The following CD96 variants were observed in gnomAD, a reference collection of about 807,000 sequenced individuals.
CD96 encodes the protein T-cell surface protein tactile.
CD96 carries 70 observed loss-of-function variants against 71.3 expected under a neutral mutation model. The ratio of observed to expected loss-of-function variants is 0.98; its 90% CI spans 0.81 to 1.20. The LOEUF is 1.20. Among genes scored for constraint, CD96 ranks in the 50% most tolerant of loss-of-function variants. The probability of loss-of-function intolerance (pLI) is 0.00; values close to 1 mark genes in which losing one functional copy is unlikely to be tolerated. For missense variants in CD96, 742 were observed against 677.5 expected, an observed-to-expected ratio of 1.10 and a Z score of -1.06; for synonymous variants, 248 against 233.0, an observed-to-expected ratio of 1.06 and a Z score of -0.59.
intron 5 of CD96, among the ~76,000 whole-genome samples, chr3:111,588,759 T>C (rs1936832580): frequency 6.6e-6 from 1 of 152,130 alleles, no homozygotes; most frequent in East Asian, 1.9e-4. Flanking sequence ...GAGTTCAAGA[T>C]GAGATTTGGA....
At chr3:111,598,966 T>C (rs1031736435) in intron 6 of CD96, among the ~76,000 whole-genome samples, 1 of 152,036 alleles carries the variant, frequency 6.6e-6, no homozygotes, top group Non-Finnish European at 1.5e-5. Flanking sequence ...ATTTTTATTT[T>C]ATTTTATTTT....
In CD96 at chr3:111,594,161, A is replaced by T. The variant is rs534684576; in HGVS notation, c.808-3959A>T. The T allele has an allele frequency of 2.5e-6, 4 of 1,610,528 alleles. No individual in the cohort carries two copies. The highest frequency in any genetic ancestry group is 3.4e-6 in the Non-Finnish European group (4 of 1,178,176). On this transcript the variant is annotated intron_variant, in intron 5 of 13. Coordinates refer to ENST00000352690, the MANE Select transcript of CD96 (RefSeq NM_005816.5). The stretch of plus-strand genomic sequence containing the variant: ...CATCTCTAAGTCCCCTTTTGCCTTC[A>T]TCATTGTTCCCTCCTCTTCCTCGTC...
At chr3:111,643,901 A>G (rs1397749693) in intron 12 of CD96, among the ~76,000 whole-genome samples, 1 of 152,144 alleles carries the variant, frequency 6.6e-6, no homozygotes, top group Admixed American at 6.5e-5. Flanking sequence ...TGTGAAAATT[A>G]CCATACTGCC....
intron 12 of CD96, among the ~76,000 whole-genome samples, chr3:111,644,135 G>T (rs986581923): frequency 6.6e-6 from 1 of 152,032 alleles, no homozygotes. Flanking sequence ...TATAAAATAC[G>T]CACATAGACC....
chr3:111,613,041 A>G (rs2107681755), intron 8 of CD96, among the ~76,000 whole-genome samples: 1 of 152,122 alleles, frequency 6.6e-6, no homozygotes, highest in South Asian at 2.1e-4. Context: ...TATCTTTTTC[A>G]TCACCTTCCA....
chr3:111,626,544 T>C (rs979016518), intron 10 of CD96, among the ~76,000 whole-genome samples: 1 of 152,196 alleles, frequency 6.6e-6, no homozygotes, highest in Non-Finnish European at 1.5e-5. Flanking sequence ...AAGCTGAATA[T>C]GTGCATACCT....
At chr3:111,550,087 A>C (rs1934617755) in intron 2 of CD96, among the ~76,000 whole-genome samples, 1 of 152,184 alleles carries the variant, frequency 6.6e-6, no homozygotes, top group Admixed American at 6.6e-5. Context: ...GCAATTAAAG[A>C]GGCAAAAGTA....
At chr3:111,585,667 G>T (rs373104010) in intron 5 of CD96, among the ~76,000 whole-genome samples, 204 of 152,302 alleles carry the variant, frequency 1.3e-3, no homozygotes, top group African/African-American at 4.5e-3. Context: ...AATTCAGGTG[G>T]ATAGTGAGGA....
chr3:111,639,957 G>A (rs1197566910), intron 12 of CD96, among the ~76,000 whole-genome samples: 1 of 152,206 alleles, frequency 6.6e-6, no homozygotes, highest in Admixed American at 6.5e-5. Context: ...GGAACACCCA[G>A]TGGGACAAAA....
intron 8 of CD96, chr3:111,607,223 A>T (rs968753645): frequency 4.6e-6 from 1 of 217,930 alleles, no homozygotes; most frequent in African/African-American, 2.4e-5. Context: ...AATAAATGAC[A>T]GTCATTCTCC....
intron 3 of CD96, chr3:111,577,537 TA>T: frequency 6.2e-7 from 1 of 1,602,012 alleles, no homozygotes; most frequent in Non-Finnish European, 8.6e-7. Context: ...TCCTTCTTTC[TA>T]AGGGTATAAA....
At chr3:111,631,854 C>A (rs1295679491) in intron 10 of CD96, among the ~76,000 whole-genome samples, 1 of 152,028 alleles carries the variant, frequency 6.6e-6, no homozygotes, top group Non-Finnish European at 1.5e-5. Flanking sequence ...CTTTGACAAA[C>A]CTGACAAAAA....
chr3:111,568,515 C>T (rs1935828189), intron 3 of CD96, among the ~76,000 whole-genome samples: 1 of 152,180 alleles, frequency 6.6e-6, no homozygotes, highest in African/African-American at 2.4e-5. Flanking sequence ...CACTACTTTT[C>T]TCTCCTTGAA....
rs529285842 is a variant in CD96 at position 111,633,709 on chromosome 3, A to C, written c.1322-3487A>C. 5.2e-5 allele frequency: 8 copies of C among 152,872 alleles called. No individual in the cohort carries two copies. The East Asian group carries it at 9.7e-4, about 18-fold the overall frequency. The allele number at this position is 152,872 out of a possible 1,614,324, so 9.5% of individuals were successfully genotyped here. On this transcript the variant is annotated intron_variant, in intron 10 of 13. Transcript: ENST00000352690. ...TTTGTGGACCAGGTGGACATGGCAA[A>C]ACTGGGCACAGAAGCTAGCATCAGT...
Position 111,652,114 on chromosome 3 carries a change from A to G in CD96, c.*2308A>G, listed in dbSNP as rs1343257571. The G allele has an allele frequency of 6.6e-6, 1 of 152,098 alleles. No homozygotes were observed. The highest frequency in any genetic ancestry group is 2.4e-5 in the African/African-American group (1 of 41,432). 9.4% of individuals were successfully genotyped at this position (152,098 alleles called of 1,614,324 possible). The stretch of plus-strand genomic sequence containing the variant: ...GCTAAGCCTTTTACTAAATTTCTGA[A>G]CTTCTAACACTATTAGATAATAAGT... On this transcript the variant is annotated 3_prime_UTR_variant, in exon 14 of 14. Coordinates refer to ENST00000352690, the MANE Select transcript of CD96 (RefSeq NM_005816.5).
At chr3:111,647,120 C>T (rs1939867161) in intron 12 of CD96, among the ~76,000 whole-genome samples, 1 of 145,518 alleles carries the variant, frequency 6.9e-6, no homozygotes, top group Admixed American at 6.9e-5. Context: ...CCCTACCTGT[C>T]AGGCACTGTT....
chr3:111,573,004 G>A (rs572219547), intron 3 of CD96, among the ~76,000 whole-genome samples: 3 of 152,128 alleles, frequency 2.0e-5, no homozygotes, highest in Non-Finnish European at 4.4e-5. Context: ...AGCATGAGGG[G>A]TAACTAAGTA....
At chr3:111,574,241 A>G (rs1207088673) in intron 3 of CD96, among the ~76,000 whole-genome samples, 1 of 152,198 alleles carries the variant, frequency 6.6e-6, no homozygotes, top group Non-Finnish European at 1.5e-5. Context: ...TAAATCAAGG[A>G]GGTTGAACAT....
intron 8 of CD96, among the ~76,000 whole-genome samples, chr3:111,621,069 C>T (rs1279133682): frequency 6.6e-6 from 1 of 152,196 alleles, no homozygotes; most frequent in East Asian, 1.9e-4. Flanking sequence ...AGTGCCAGCA[C>T]CCAGTGTGGG....
Sources: gnomAD v4.1 joint callset for allele counts (sites outside exome capture counted in the v4.1 genomes callset) on GRCh38, gnomAD v4.1.1 for gene constraint, MANE v1.5 for transcripts, NCBI Gene and HGNC (gene_info 2026-07-23, HGNC 2026-07-21) for gene names.